Variants in MCMBP observed in about 807,000 individuals in gnomAD.
MCMBP encodes mini-chromosome maintenance complex-binding protein.
A neutral mutation model predicts 81.3 loss-of-function variants in MCMBP; 31 were observed. That is an observed-to-expected ratio of 0.38 (90% confidence interval 0.29 to 0.51). The LOEUF (loss-of-function observed/expected upper bound fraction) is 0.51. Among genes scored for constraint, MCMBP ranks in the 20% least tolerant of loss-of-function variants. The pLI is 0.87. For synonymous variants in MCMBP, 267 were observed against 275.9 expected, an observed-to-expected ratio of 0.97 and a Z score of 0.32; for missense variants, 645 against 772.1, an observed-to-expected ratio of 0.84 and a Z score of 1.95.
chr10:119,870,858 T>A (rs1853646554), intron 1 of MCMBP, among the ~76,000 whole-genome samples: 1 of 152,166 alleles, frequency 6.6e-6, no homozygotes, highest in East Asian at 1.9e-4. Flanking sequence ...GAGAAACACA[T>A]CAAGAAACTT....
At chr10:119,849,324 A>G in intron 7 of MCMBP, 101 bp downstream of exon 7, 1 of 1,245,630 alleles carries the variant, frequency 8.0e-7, no homozygotes, top group Non-Finnish European at 1.1e-6. Flanking sequence ...GATTTGCTAT[A>G]GCTAGCCCAG....
rs538767849 is a variant in MCMBP, at chr10:119,830,341, CTGT to C, written c.*1130_*1132del. ...GTTGCCATAACCATGCTACTACAGTCTGTTGTTAGTTTGCTCTATTAAAACTAA... is the reference window on the plus strand; with the variant it reads ...GTTGCCATAACCATGCTACTACAGTCTGTTAGTTTGCTCTATTAAAACTAA... On this transcript the variant is annotated 3_prime_UTR_variant, in exon 16 of 16. Coordinates refer to ENST00000369077, the MANE Select transcript of MCMBP (RefSeq NM_001256378.2). The C allele has an allele frequency of 9.8e-5, 15 of 152,506 alleles. No homozygotes were observed. Among genetic ancestry groups the C allele is most frequent in the Non-Finnish European group, 1.6e-4 (11 of 68,020 alleles). 9.4% of individuals were successfully genotyped at this position (152,506 alleles called of 1,614,324 possible).
At chr10:119,861,334 G>T (rs1268618701) in intron 1 of MCMBP, among the ~76,000 whole-genome samples, 6 of 152,134 alleles carry the variant, frequency 3.9e-5, no homozygotes, top group African/African-American at 7.2e-5. Flanking sequence ...AGTCCTCAAA[G>T]TTGGTTCCCT....
intron 1 of MCMBP, among the ~76,000 whole-genome samples, chr10:119,864,075 A>T (rs905884915): frequency 1.3e-5 from 2 of 152,228 alleles, no homozygotes; most frequent in Admixed American, 6.5e-5. Context: ...GGATGTGGCA[A>T]AAGAGGAAGT....
intron 1 of MCMBP, among the ~76,000 whole-genome samples, chr10:119,863,982 T>C (rs1853358179): frequency 6.6e-6 from 1 of 151,352 alleles, no homozygotes; most frequent in African/African-American, 2.4e-5. Flanking sequence ...GCAGATGGAA[T>C]TAAGGTTAAT....
intron 11 of MCMBP, among the ~76,000 whole-genome samples, chr10:119,839,277 C>T (rs545047034): frequency 4.6e-5 from 7 of 152,260 alleles, no homozygotes; most frequent in African/African-American, 1.4e-4. Flanking sequence ...ACCATCTATG[C>T]TCCTCCTCCA....
chr10:119,866,383 T>C (rs895746457), intron 1 of MCMBP, among the ~76,000 whole-genome samples: 6 of 152,148 alleles, frequency 3.9e-5, no homozygotes, highest in African/African-American at 1.4e-4. Context: ...CCCAACACTT[T>C]GGGAGGCCGA....
intron 9 of MCMBP, 70 bp from the exon 10 acceptor site, chr10:119,842,665 A>G: frequency 6.5e-7 from 1 of 1,533,756 alleles, no homozygotes; most frequent in Non-Finnish European, 8.8e-7. Context: ...AGGTAAAAAA[A>G]TAACTACGTG....
At position 119,831,719 on chromosome 10, in the gene MCMBP, T is replaced by C. The variant is rs1169597738; in HGVS notation, c.1797-119A>G. 6.7e-6 allele frequency: 8 copies of C among 1,187,484 alleles called. No homozygotes were observed. The East Asian group carries it at 1.3e-4, about 19-fold the overall frequency. 73.6% of individuals were successfully genotyped at this position (1,187,484 alleles called of 1,614,324 possible). On this transcript the variant is annotated intron_variant, in intron 15 of 15. Transcript: ENST00000369077. Reference sequence around the variant, plus strand: ...GAGCACGTTAGGAGACAAGACCGTATGGTAGTTACACACAAGTCAACAGCC... The same window carrying C: ...GAGCACGTTAGGAGACAAGACCGTACGGTAGTTACACACAAGTCAACAGCC...
At chr10:119,861,867 C>A (rs35000882) in intron 1 of MCMBP, among the ~76,000 whole-genome samples, 25,037 of 151,924 alleles carry the variant, frequency 0.16, 2,228 homozygotes, top group South Asian at 0.44. Context: ...CAGTCTCCTG[C>A]GTAGCTGGGA....
At chr10:119,863,508 G>T (rs573174609) in intron 1 of MCMBP, among the ~76,000 whole-genome samples, 1 of 151,768 alleles carries the variant, frequency 6.6e-6, no homozygotes, top group Admixed American at 6.6e-5. Context: ...GAGGCGGGCG[G>T]ATCACCTGTC....
At chr10:119,836,101 T>C (rs977803870) in intron 13 of MCMBP, among the ~76,000 whole-genome samples, 2 of 152,254 alleles carry the variant, frequency 1.3e-5, no homozygotes, top group African/African-American at 2.4e-5. Context: ...CCCAAAGTGC[T>C]AGGATTACAG....
At chr10:119,860,301 G>GT (rs1189308215) in intron 1 of MCMBP, among the ~76,000 whole-genome samples, 1 of 152,116 alleles carries the variant, frequency 6.6e-6, no homozygotes, top group Admixed American at 6.5e-5. Flanking sequence ...AAGAGCCTAA[G>GT]TTTTTTTGTT....
chr10:119,852,466 G>A (rs1164762637), intron 6 of MCMBP, among the ~76,000 whole-genome samples: 1 of 152,190 alleles, frequency 6.6e-6, no homozygotes, highest in African/African-American at 2.4e-5. Context: ...CCTGAGCCCA[G>A]GAGTTTGAGA....
chr10:119,838,083 T>C (rs1852309042), intron 12 of MCMBP, among the ~76,000 whole-genome samples: 1 of 151,904 alleles, frequency 6.6e-6, no homozygotes, highest in Admixed American at 6.6e-5. Context: ...TGTAGGCCCA[T>C]AAAGACTGCT....
At chr10:119,858,474 C>T (rs1031134682) in intron 4 of MCMBP, among the ~76,000 whole-genome samples, 2 of 152,046 alleles carry the variant, frequency 1.3e-5, no homozygotes, top group African/African-American at 4.8e-5. Flanking sequence ...ACTTTTGAAT[C>T]TCATCTCCGA....
At chr10:119,869,973 G>A (rs528924886) in intron 1 of MCMBP, among the ~76,000 whole-genome samples, 39 of 152,330 alleles carry the variant, frequency 2.6e-4, no homozygotes, top group African/African-American at 9.4e-4. Flanking sequence ...CACTTGAAAT[G>A]TGCTAACACC....
chr10:119,860,902 GAT>G (rs1554905010), intron 1 of MCMBP, among the ~76,000 whole-genome samples: 1 of 152,174 alleles, frequency 6.6e-6, no homozygotes, highest in Non-Finnish European at 1.5e-5. Flanking sequence ...CTTCATTGGT[GAT>G]GTTAATTTTG....
Position 119,859,248 on chromosome 10 carries a change from C to T in MCMBP, c.145-67G>A, listed in dbSNP as rs533898109. On this transcript the variant is annotated intron_variant, in intron 2 of 15. Coordinates refer to ENST00000369077, the MANE Select transcript of MCMBP (RefSeq NM_001256378.2). ...CTATACAACATTAAGCATATATACA[C>T]AAACTTTATATCCAGACTCAAACTG... The T allele has an allele frequency of 5.6e-6, 8 of 1,439,442 alleles. No homozygotes were observed. In the African/African-American group the frequency reaches 1.0e-4, roughly 18 times the overall value. 89.2% of individuals were successfully genotyped at this position (1,439,442 alleles called of 1,614,324 possible). A position where few individuals can be genotyped will look rare whatever the true frequency, so the allele number is the denominator to read the frequency against.
Sources: allele counts gnomAD v4.1 joint callset (sites outside exome capture counted in the v4.1 genomes callset), GRCh38; gene constraint gnomAD v4.1.1; transcripts MANE v1.5; gene names NCBI Gene and HGNC (gene_info 2026-07-23, HGNC 2026-07-21).